The following PDE9A variants were observed in gnomAD, a reference collection of about 807,000 sequenced individuals.
PDE9A encodes the protein phosphodiesterase 9A, also known as high affinity cGMP-specific 3',5'-cyclic phosphodiesterase 9A.
A neutral mutation model predicts 87.4 loss-of-function variants in PDE9A; 60 were observed. That is an observed-to-expected ratio of 0.69 (90% CI 0.56 to 0.85). PDE9A has a LOEUF of 0.85. PDE9A is among the 40% of genes least tolerant of loss of function. The probability of loss-of-function intolerance (pLI) is 0.00; values close to 1 mark genes in which losing one functional copy is unlikely to be tolerated. For synonymous variants in PDE9A, 272 were observed against 279.4 expected (o/e 0.97, Z 0.27); for missense variants, 665 against 779.0 (o/e 0.85, Z 1.74).
At position 42,739,842 on chromosome 21, in the gene PDE9A, A is replaced by G. The variant is rs546141024; in HGVS notation, c.569-3934A>G. ...TTTGTTGCAAACTCATTTAGCAGCAAAAATGTGATCTGAACTGACATGAAG... is the reference window on the plus strand; with the variant it reads ...TTTGTTGCAAACTCATTTAGCAGCAGAAATGTGATCTGAACTGACATGAAG... On this transcript the variant is annotated intron_variant, in intron 7 of 19. Coordinates refer to ENST00000291539, the MANE Select transcript of PDE9A (RefSeq NM_002606.3). The surrounding 1 kb of genome is among the most constrained non-coding windows in gnomAD (Gnocchi z 4.1). 2.0e-5 allele frequency among the ~76,000 whole-genome samples: 3 copies of G among 152,320 alleles called. No homozygotes were observed. Among genetic ancestry groups the G allele is most frequent in the African/African-American group, 7.2e-5 (3 of 41,572 alleles).
chr21:42,710,668 A>G (rs940887783), intron 4 of PDE9A, among the ~76,000 whole-genome samples: 15 of 152,198 alleles, frequency 9.9e-5, no homozygotes, highest in African/African-American at 3.4e-4. Flanking sequence ...TTTGAATGTC[A>G]TATTTTGTGT....
intron 16 of PDE9A, 26 bp from the exon 17 acceptor site, chr21:42,769,001 G>A: frequency 1.9e-6 from 3 of 1,592,416 alleles, no homozygotes; most frequent in East Asian, 4.5e-5. Context: ...TGTCTCTAAT[G>A]TCACTGTCTG....
At chr21:42,753,886 A>G in intron 9 of PDE9A, 104 bp from the exon 10 acceptor site, 2 of 620,014 alleles carry the variant, frequency 3.2e-6, no homozygotes, top group Non-Finnish European at 5.6e-6. Flanking sequence ...AAAGAAAGAA[A>G]GAAAAAGAAA....
intron 8 of PDE9A, among the ~76,000 whole-genome samples, chr21:42,744,333 C>T (rs2053620050): frequency 6.6e-6 from 1 of 151,708 alleles, no homozygotes. Flanking sequence ...AGCCTGGGCT[C>T]GACAGAGCAA....
At chr21:42,714,561 G>T (rs34841322) in intron 4 of PDE9A, among the ~76,000 whole-genome samples, 29,062 of 102,012 alleles carry the variant, frequency 0.28, 8,418 homozygotes, top group East Asian at 0.75. Flanking sequence ...CGATATGGTT[G>T]GGGTTAGCTC....
At chr21:42,737,663 G>A (rs2052606391) in intron 7 of PDE9A, among the ~76,000 whole-genome samples, 1 of 152,126 alleles carries the variant, frequency 6.6e-6, no homozygotes, top group Non-Finnish European at 1.5e-5. Flanking sequence ...CCGCCATGTT[G>A]GCCAGGCTGG....
At chr21:42,765,528 G>GCCCACCGCCTGGCT in intron 15 of PDE9A, 34 bp downstream of exon 15, 2 of 1,242,072 alleles carry the variant, frequency 1.6e-6, no homozygotes, top group Non-Finnish European at 2.4e-6. Flanking sequence ...TGGGCAGCCA[G>GCCCACCGCCTGGCT]GCGGTGGGCT....
intron 9 of PDE9A, 103 bp downstream of exon 9, chr21:42,751,300 C>A: frequency 1.2e-6 from 1 of 835,318 alleles, no homozygotes; most frequent in Non-Finnish European, 2.1e-6. Context: ...ACGTTCACAT[C>A]AACCGCCCCT....
chr21:42,662,281 T>G (rs927748248), intron 1 of PDE9A, among the ~76,000 whole-genome samples: 1 of 151,964 alleles, frequency 6.6e-6, no homozygotes, highest in Non-Finnish European at 1.5e-5. Context: ...CCCAGCACGG[T>G]GCCGTGTCCG....
In PDE9A at chr21:42,762,137, G is replaced by A. The variant is rs139295419; in HGVS notation, c.1140G>A (p.Pro380=). 1.7e-3 allele frequency: 2,699 copies of A among 1,614,098 alleles called. 6 individuals are homozygous for A. The highest frequency in any genetic ancestry group is 7.9e-3 in the Middle Eastern group (48 of 6,062). ...ELAVRYNDIS[P]LENHHCAVAF... is the part of the protein sequence containing the mutation. The stretch of plus-strand genomic sequence containing the variant: ...CGGTCCGCTACAATGACATCTCACC[G>A]CTGGAGAACCACCACTGCGCCGTGG... The change falls in exon 14 of 20, where the codon CCG becomes CCA. Residue 380 remains proline (P), a synonymous_variant. Transcript: ENST00000291539.
intron 1 of PDE9A, among the ~76,000 whole-genome samples, chr21:42,682,190 TG>T (rs2146113327): frequency 6.6e-6 from 1 of 152,352 alleles, no homozygotes; most frequent in African/African-American, 2.4e-5. Flanking sequence ...ATGAATCGAA[TG>T]GGAACTGGTA....
rs756271580 is a variant in PDE9A, at chr21:42,702,110, C to T, written c.262+3099C>T. ...GGACCCTAACTACCTGAATGATAGACAGCCTGAGAGCGTCCCCTGACTCAC... is the reference window on the plus strand; with the variant it reads ...GGACCCTAACTACCTGAATGATAGATAGCCTGAGAGCGTCCCCTGACTCAC... On this transcript the variant is annotated intron_variant, in intron 4 of 19. Transcript: ENST00000291539. This position sits in a 1 kb window ranked among gnomAD's most constrained non-coding sequence, Gnocchi z 4.9. Among the ~76,000 whole-genome samples the T allele has an allele frequency of 6.6e-6, 1 of 152,142 alleles. No individual in the cohort carries two copies. The highest frequency in any genetic ancestry group is 1.5e-5 in the Non-Finnish European group (1 of 68,032).
chr21:42,675,500 A>G lies in PDE9A; in HGVS notation c.70-10692A>G, dbSNP rs1330910164. The stretch of plus-strand genomic sequence containing the variant: ...TGCTCTTATTAGTATGTTTATCTTC[A>G]TTATGTCCCTAAGAGCCATTCCTGG... On this transcript the variant is annotated intron_variant, in intron 1 of 19. Transcript: ENST00000291539. This position sits in a 1 kb window ranked among gnomAD's most constrained non-coding sequence, Gnocchi z 4.3. Among the ~76,000 whole-genome samples, 1 of 152,238 alleles carries G rather than the reference A, an allele frequency of 6.6e-6. No homozygotes were observed. Among genetic ancestry groups the G allele is most frequent in the Non-Finnish European group, 1.5e-5 (1 of 68,038 alleles).
intron 4 of PDE9A, among the ~76,000 whole-genome samples, chr21:42,717,650 C>T (rs1446896401): frequency 6.6e-6 from 1 of 151,446 alleles, no homozygotes; most frequent in African/African-American, 2.4e-5. Flanking sequence ...CCTCGGCCTC[C>T]CAAAGTGCTG....
intron 18 of PDE9A, among the ~76,000 whole-genome samples, chr21:42,771,761 G>A (rs895456942): frequency 6.6e-6 from 1 of 152,224 alleles, no homozygotes; most frequent in African/African-American, 2.4e-5. Context: ...GCCCACACCC[G>A]CCTGGAGCGC....
At chr21:42,755,699 G>A (rs2147043650) in intron 10 of PDE9A, among the ~76,000 whole-genome samples, 1 of 152,320 alleles carries the variant, frequency 6.6e-6, no homozygotes, top group South Asian at 2.1e-4. Context: ...TGCTGAGATT[G>A]GGCAGAGCAA....
intron 7 of PDE9A, among the ~76,000 whole-genome samples, chr21:42,735,418 C>G (rs1397694528): frequency 6.6e-6 from 1 of 152,228 alleles, no homozygotes; most frequent in Non-Finnish European, 1.5e-5. Context: ...GCACCACAGA[C>G]TGGGAGGCTT....
chr21:42,761,012 C>T (rs2055702606), intron 13 of PDE9A, 105 bp downstream of exon 13: 6 of 762,152 alleles, frequency 7.9e-6, no homozygotes, highest in South Asian at 5.8e-5. Context: ...GAGCTGTCAA[C>T]GACGGCCTCC....
chr21:42,665,522 C>G (rs2057903827), intron 1 of PDE9A, among the ~76,000 whole-genome samples: 1 of 152,186 alleles, frequency 6.6e-6, no homozygotes, highest in South Asian at 2.1e-4. Context: ...CACCTGGGCT[C>G]CCACAGGCCA....
Sources: gnomAD v4.1 joint callset for allele counts (sites outside exome capture counted in the v4.1 genomes callset) on GRCh38, gnomAD v4.1.1 for gene constraint, Gnocchi (gnomAD v3.1) non-coding constraint, MANE v1.5 for transcripts, NCBI Gene and HGNC (gene_info 2026-07-23, HGNC 2026-07-21) for gene names.